CNNM2: variants seen among roughly 807,000 people sequenced by gnomAD.
The protein encoded by CNNM2 is cyclin and CBS domain divalent metal cation transport mediator 2.
A neutral mutation model predicts 66.9 loss-of-function variants in CNNM2; 12 were observed. The ratio of observed to expected loss-of-function variants is 0.18; its 90% CI spans 0.11 to 0.29. CNNM2 has a LOEUF of 0.29. Among genes scored for constraint, CNNM2 ranks in the 10% least tolerant of loss-of-function variants. CNNM2 has a pLI of 1.00. For missense variants in CNNM2, 705 were observed against 1,167.7 expected (o/e 0.60, Z 5.77); for synonymous variants, 557 against 501.8 (o/e 1.11, Z -1.47).
chr10:102,967,391 A>G (rs1393214954), intron 1 of CNNM2, among the ~76,000 whole-genome samples: 2 of 152,174 alleles, frequency 1.3e-5, no homozygotes, highest in African/African-American at 4.8e-5. Flanking sequence ...GTTTTAGAAC[A>G]CTGCTTTGTC....
intron 1 of CNNM2, among the ~76,000 whole-genome samples, chr10:103,004,971 G>C (rs994185172): frequency 1.3e-5 from 2 of 152,022 alleles, no homozygotes; most frequent in African/African-American, 2.4e-5. Context: ...CTCCATTATT[G>C]AATGGTCTTT....
At chr10:103,010,227 ATCT>A (rs1457471122) in intron 1 of CNNM2, among the ~76,000 whole-genome samples, 1 of 151,816 alleles carries the variant, frequency 6.6e-6, no homozygotes. Context: ...TAATATGACC[ATCT>A]TTTTTTTTTT....
At chr10:102,986,417 T>C (rs2063798218) in intron 1 of CNNM2, among the ~76,000 whole-genome samples, 1 of 152,048 alleles carries the variant, frequency 6.6e-6, no homozygotes, top group Non-Finnish European at 1.5e-5. Context: ...CAAACTGGAA[T>C]TAATGTGAAA....
intron 1 of CNNM2, among the ~76,000 whole-genome samples, chr10:102,925,697 C>T (rs1050582965): frequency 1.3e-5 from 2 of 152,052 alleles, no homozygotes; most frequent in African/African-American, 2.4e-5. Context: ...TGAGTGTTAC[C>T]GTTGGTTTTT....
In CNNM2 at chr10:102,918,539, C is replaced by T. The variant is rs1226972329; in HGVS notation, c.59C>T (p.Ala20Val). The change falls in exon 1 of 8, where the codon GCC becomes GTC. Residue 20 changes from alanine (A) to valine (V), a missense_variant. Transcript: ENST00000369878. The surrounding 1 kb of genome is among the most constrained non-coding windows in gnomAD (Gnocchi z 4.1). ...AAGATGGCGGGCGGGCAGGCAGCCG[C>T]CGCACTGCCCACTTGGAAGATGGCG... Reference protein sequence around the residue: ...KVKMAGGQAAAALPTWKMAAR... With the variant: ...KVKMAGGQAAVALPTWKMAAR... 2 of 1,601,950 alleles carry T rather than the reference C, an allele frequency of 1.2e-6. No homozygotes were observed. Among genetic ancestry groups the T allele is most frequent in the Non-Finnish European group, 1.7e-6 (2 of 1,176,666 alleles).
rs773569776 is a variant in CNNM2, at chr10:102,935,604, A to ATT, written c.1621+15503_1621+15504insTT. ...TGAGCAGTATGGTCCTTTAAAAAAA[A>ATT]ATTTTTTTTTTTTTTTTTTTGAGAC... On this transcript the variant is annotated intron_variant, in intron 1 of 7. Coordinates refer to ENST00000369878, the MANE Select transcript of CNNM2 (RefSeq NM_017649.5). Among the ~76,000 whole-genome samples the ATT allele has an allele frequency of 3.5e-3, 490 of 140,802 alleles. 2 individuals are homozygous for ATT. The highest frequency in any genetic ancestry group is 5.2e-3 in the Non-Finnish European group (334 of 64,590). 92.4% of individuals were successfully genotyped at this position (140,802 alleles called of 152,430 possible).
At chr10:102,935,198 A>G (rs1846195077) in intron 1 of CNNM2, among the ~76,000 whole-genome samples, 1 of 150,656 alleles carries the variant, frequency 6.6e-6, no homozygotes, top group South Asian at 2.1e-4. Flanking sequence ...TGGGCCAGAC[A>G]TGGTGGCCTG....
intron 1 of CNNM2, among the ~76,000 whole-genome samples, chr10:102,975,647 G>A (rs2063617190): frequency 6.6e-6 from 1 of 152,132 alleles, no homozygotes; most frequent in Non-Finnish European, 1.5e-5. Context: ...ACTTGTGTCT[G>A]TGTTGGCAGG....
intron 4 of CNNM2, among the ~76,000 whole-genome samples, chr10:103,066,099 C>T (rs539129172): frequency 5.3e-5 from 8 of 152,296 alleles, no homozygotes; most frequent in Admixed American, 3.9e-4. Context: ...CGGCCTTGAG[C>T]ACCTTGAGGC....
intron 1 of CNNM2, among the ~76,000 whole-genome samples, chr10:102,932,574 G>A (rs940542279): frequency 3.3e-5 from 5 of 152,106 alleles, no homozygotes; most frequent in Non-Finnish European, 7.4e-5. Context: ...AGTACTGTCT[G>A]TTGAAAATAC....
At chr10:103,051,292 G>A (rs1366503350) in intron 2 of CNNM2, among the ~76,000 whole-genome samples, 4 of 151,962 alleles carry the variant, frequency 2.6e-5, no homozygotes, top group African/African-American at 7.3e-5. Context: ...TTAGCTGGGC[G>A]TGGTGGCACA....
rs12245343 is a variant in CNNM2 at position 103,014,293 on chromosome 10, A to G, written c.1622-35414A>G. 0.1 allele frequency among the ~76,000 whole-genome samples: 15,878 copies of G among 152,278 alleles called. 857 individuals carry two copies. Among genetic ancestry groups the G allele is most frequent in the Middle Eastern group, 0.17 (50 of 294 alleles). ...ATAGCCTTGGCAGGTGGTATCAGTG[A>G]TACTAACGATGGTGATAATCTAGCT... is the stretch of plus-strand genomic sequence containing the variant. On this transcript the variant is annotated intron_variant, in intron 1 of 7. Transcript: ENST00000369878.
intron 1 of CNNM2, among the ~76,000 whole-genome samples, chr10:102,992,715 A>C (rs1198029214): frequency 6.6e-6 from 1 of 152,144 alleles, no homozygotes; most frequent in African/African-American, 2.4e-5. Flanking sequence ...CTGATTCTCA[A>C]GCCTGCCTCG....
At chr10:103,075,598 G>T (rs1157263723) in intron 6 of CNNM2, among the ~76,000 whole-genome samples, 1 of 152,196 alleles carries the variant, frequency 6.6e-6, no homozygotes, top group Non-Finnish European at 1.5e-5. Context: ...CAGCTAGAGG[G>T]TATGGTATGA....
At chr10:103,013,724 T>G (rs531705553) in intron 1 of CNNM2, among the ~76,000 whole-genome samples, 87 of 152,180 alleles carry the variant, frequency 5.7e-4, no homozygotes, top group African/African-American at 2.0e-3. Flanking sequence ...TGCTGGAAAA[T>G]TGCAAGAGCA....
chr10:103,041,907 C>T (rs2065047289), intron 1 of CNNM2, among the ~76,000 whole-genome samples: 1 of 152,154 alleles, frequency 6.6e-6, no homozygotes, highest in South Asian at 2.1e-4. Flanking sequence ...CCATCCATGG[C>T]CTAGGTGATC....
In CNNM2 at chr10:103,084,312, G is replaced by A. The variant is rs2065783153; in HGVS notation, c.*7132G>A. ...GTTCTGTGGATGGAGACATTTCAGGGAAGAACTGCTGACAGAATTGGCTTT... is the reference window on the plus strand; with the variant it reads ...GTTCTGTGGATGGAGACATTTCAGGAAAGAACTGCTGACAGAATTGGCTTT... On this transcript the variant is annotated 3_prime_UTR_variant, in exon 8 of 8. Coordinates refer to ENST00000369878, the MANE Select transcript of CNNM2 (RefSeq NM_017649.5). The A allele has an allele frequency of 2.0e-5, 3 of 152,186 alleles. No homozygotes were observed. Among genetic ancestry groups the A allele is most frequent in the Non-Finnish European group, 4.4e-5 (3 of 68,040 alleles). The allele number at this position is 152,186 out of a possible 1,614,324, so 9.4% of individuals were successfully genotyped here.
chr10:103,071,549 CA>C (rs1258660216), intron 5 of CNNM2, among the ~76,000 whole-genome samples: 1 of 152,208 alleles, frequency 6.6e-6, no homozygotes, highest in Non-Finnish European at 1.5e-5. Context: ...TGGTTAGTAA[CA>C]AACTCGTGGG....
At chr10:103,036,105 A>T (rs1364341335) in intron 1 of CNNM2, among the ~76,000 whole-genome samples, 2 of 151,590 alleles carry the variant, frequency 1.3e-5, no homozygotes, top group Non-Finnish European at 2.9e-5. Flanking sequence ...GTCAGGATCC[A>T]ACCAGAGAAA....
Sources: allele counts gnomAD v4.1 joint callset (sites outside exome capture counted in the v4.1 genomes callset), GRCh38; gene constraint gnomAD v4.1.1; non-coding constraint Gnocchi (gnomAD v3.1); transcripts MANE v1.5; gene names NCBI Gene and HGNC (gene_info 2026-07-23, HGNC 2026-07-21).